Variants in DIP2B observed in about 807,000 individuals in gnomAD.
DIP2B encodes disco-interacting protein 2 homolog B.
Under a neutral mutation model 198.0 loss-of-function variants are expected in DIP2B, and 76 were observed. The ratio of observed to expected loss-of-function variants is 0.38; its 90% CI spans 0.32 to 0.46. The LOEUF (loss-of-function observed/expected upper bound fraction) is 0.46, where lower values mean the gene tolerates loss of function less well. DIP2B is among the 20% of genes least tolerant of loss of function. DIP2B has a pLI of 0.99. For synonymous variants in DIP2B, 701 were observed against 739.1 expected (o/e 0.95, Z 0.84); for missense variants, 1,559 against 1,978.4 (o/e 0.79, Z 4.02).
intron 1 of DIP2B, among the ~76,000 whole-genome samples, chr12:50,590,431 G>C (rs960248299): frequency 6.6e-6 from 1 of 151,858 alleles, no homozygotes; most frequent in Non-Finnish European, 1.5e-5. Context: ...GTGCAGTGGC[G>C]TGATCTCAGC....
chr12:50,711,574 T>G (rs933066770), intron 22 of DIP2B, among the ~76,000 whole-genome samples: 2 of 152,180 alleles, frequency 1.3e-5, no homozygotes, highest in Non-Finnish European at 2.9e-5. Flanking sequence ...GTTTGTTTTG[T>G]TTTTGAGATA....
intron 1 of DIP2B, among the ~76,000 whole-genome samples, chr12:50,565,190 T>A (rs1288202819): frequency 2.0e-5 from 3 of 151,890 alleles, no homozygotes; most frequent in Non-Finnish European, 4.4e-5. Context: ...GGAGATGAGA[T>A]CTCGTCATGT....
intron 2 of DIP2B, among the ~76,000 whole-genome samples, chr12:50,632,954 A>T (rs1208302215): frequency 1.3e-5 from 2 of 152,006 alleles, no homozygotes; most frequent in African/African-American, 4.8e-5. Flanking sequence ...TTAAAAAAAA[A>T]AATAATTAGA....
intron 36 of DIP2B, among the ~76,000 whole-genome samples, chr12:50,740,162 T>C (rs1018401428): frequency 6.6e-6 from 1 of 152,222 alleles, no homozygotes; most frequent in East Asian, 1.9e-4. Context: ...TATAGCCATT[T>C]AAAAATACCC....
At chr12:50,684,142 G>A (rs1939092662) in intron 10 of DIP2B, among the ~76,000 whole-genome samples, 1 of 152,028 alleles carries the variant, frequency 6.6e-6, no homozygotes, top group Non-Finnish European at 1.5e-5. Flanking sequence ...ATATCATGGG[G>A]GCATACTTGA....
At chr12:50,698,046 C>T (rs1939348990) in intron 17 of DIP2B, among the ~76,000 whole-genome samples, 1 of 151,984 alleles carries the variant, frequency 6.6e-6, no homozygotes, top group Admixed American at 6.6e-5. Flanking sequence ...AAGCATGTGC[C>T]ATCATACCCA....
At position 50,714,447 on chromosome 12, in the gene DIP2B, C is replaced by G; in HGVS notation, c.2702C>G (p.Ala901Gly). ...VGVYCLALVP[A>G]NTLPKTPLGG... ...GTTTATTGTCTTGCTCTGGTGCCAG[C>G]CAATACATTGCCAAAAACTCCACTA... Residue 901 changes from alanine (A) to glycine (G), a missense_variant, in exon 23 of 38, where the codon GCC becomes GGC. Physicochemically the swap from Ala to Gly is moderately conservative, Grantham distance 60. Coordinates refer to ENST00000301180, the MANE Select transcript of DIP2B (RefSeq NM_173602.3). The G allele has an allele frequency of 6.2e-7, 1 of 1,614,146 alleles. No individual in the cohort carries two copies. The highest frequency in any genetic ancestry group is 8.5e-7 in the Non-Finnish European group (1 of 1,180,022).
chr12:50,560,544 G>A (rs1434978245), intron 1 of DIP2B, among the ~76,000 whole-genome samples: 1 of 151,974 alleles, frequency 6.6e-6, no homozygotes, highest in East Asian at 1.9e-4. Flanking sequence ...GGCAACAAGA[G>A]TGAAACTCTG....
intron 13 of DIP2B, 124 bp from the exon 14 acceptor site, chr12:50,692,825 G>A (rs1939244538): frequency 1.3e-6 from 1 of 783,770 alleles, no homozygotes. Context: ...TGACAGAGGT[G>A]AGACTCCATC....
chr12:50,526,927 C>A (rs1297182952), intron 1 of DIP2B, among the ~76,000 whole-genome samples: 1 of 152,078 alleles, frequency 6.6e-6, no homozygotes, highest in Non-Finnish European at 1.5e-5. Flanking sequence ...TGAGCCACTG[C>A]ACCCGGCCTT....
At chr12:50,661,597 C>T (rs1333165218) in intron 4 of DIP2B, among the ~76,000 whole-genome samples, 1 of 152,156 alleles carries the variant, frequency 6.6e-6, no homozygotes, top group East Asian at 1.9e-4. Flanking sequence ...CACAGTAAGA[C>T]AGTTTGTGTC....
chr12:50,531,299 C>T (rs952665175), intron 1 of DIP2B, among the ~76,000 whole-genome samples: 31 of 152,194 alleles, frequency 2.0e-4, no homozygotes, highest in African/African-American at 6.5e-4. Context: ...CCGCCCACCT[C>T]GGCCTCCCAG....
intron 1 of DIP2B, among the ~76,000 whole-genome samples, chr12:50,577,544 A>T (rs1958673785): frequency 6.6e-6 from 1 of 151,696 alleles, no homozygotes; most frequent in Admixed American, 6.6e-5. Context: ...AAAAATAAAA[A>T]AAATAAAAAA....
chr12:50,637,756 A>T (rs1938185326), intron 2 of DIP2B, among the ~76,000 whole-genome samples: 1 of 152,130 alleles, frequency 6.6e-6, no homozygotes, highest in South Asian at 2.1e-4. Flanking sequence ...TCACTCTGTT[A>T]CTCTTGCAGG....
At chr12:50,669,142 C>T (rs950553229) in intron 4 of DIP2B, among the ~76,000 whole-genome samples, 11 of 152,058 alleles carry the variant, frequency 7.2e-5, no homozygotes, top group Non-Finnish European at 1.5e-5. Context: ...CCTGCGAAAC[C>T]CTTTGATTAC....
chr12:50,594,050 C>G (rs2139433985), intron 1 of DIP2B, among the ~76,000 whole-genome samples: 1 of 149,856 alleles, frequency 6.7e-6, no homozygotes, highest in East Asian at 2.0e-4. Context: ...AAGTGATGCT[C>G]CTGCCTCAGC....
At chr12:50,734,774 C>T (rs1940106671) in intron 33 of DIP2B, among the ~76,000 whole-genome samples, 1 of 152,132 alleles carries the variant, frequency 6.6e-6, no homozygotes, top group South Asian at 2.1e-4. Context: ...GATTTTGCCA[C>T]CCTAGAGGAG....
intron 1 of DIP2B, among the ~76,000 whole-genome samples, chr12:50,606,805 G>GT (rs766361752): frequency 0.023 from 3,307 of 140,822 alleles, 33 homozygotes; most frequent in Non-Finnish European, 0.029. Context: ...TTCTTTTTCT[G>GT]TTTTTTTTTT....
At chr12:50,668,439 C>T (rs930028385) in intron 4 of DIP2B, among the ~76,000 whole-genome samples, 11 of 152,272 alleles carry the variant, frequency 7.2e-5, no homozygotes, top group Non-Finnish European at 1.3e-4. Context: ...TTTTCCACTA[C>T]GCTAAGCTGC....
Sources: gnomAD v4.1 joint callset for allele counts (sites outside exome capture counted in the v4.1 genomes callset) on GRCh38, gnomAD v4.1.1 for gene constraint, MANE v1.5 for transcripts, NCBI Gene and HGNC (gene_info 2026-07-23, HGNC 2026-07-21) for gene names.